ABHD12B: variants seen among roughly 807,000 people sequenced by gnomAD.
The protein encoded by ABHD12B is abhydrolase domain containing 12B, also known as protein ABHD12B.
In ABHD12B, 42 loss-of-function variants were observed where a neutral mutation model predicts 50.4. That is an observed-to-expected ratio of 0.83 (90% CI 0.65 to 1.08). The LOEUF (loss-of-function observed/expected upper bound fraction) is 1.08, where lower values mean the gene tolerates loss of function less well. Ranked by LOEUF, ABHD12B falls within the 50% of genes least tolerant of loss-of-function variation. The probability of loss-of-function intolerance (pLI) is 0.00; values close to 1 mark genes in which losing one functional copy is unlikely to be tolerated. For synonymous variants in ABHD12B, 167 were observed against 160.3 expected (o/e 1.04, Z -0.32); for missense variants, 479 against 447.7 (o/e 1.07, Z -0.63).
chr14:50,872,245 C>A lies in ABHD12B; in HGVS notation c.71C>A (p.Ala24Asp), dbSNP rs1036893896. 5 of 1,392,896 alleles carry A rather than the reference C, an allele frequency of 3.6e-6. No homozygotes were observed. The African/African-American group carries it at 4.5e-5, about 12-fold the overall frequency. 86.3% of individuals were successfully genotyped at this position (1,392,896 alleles called of 1,614,324 possible). The change falls in exon 1 of 13, where the codon GCC (alanine) becomes GAC (aspartate). Residue 24 changes from alanine to aspartate, a missense_variant. Coordinates refer to ENST00000337334, the MANE Select transcript of ABHD12B (RefSeq NM_001206673.2). ...GGGCCCCCAGCCCGTAGCTGCGTGG[C>A]CGCCTGGTGGGACATGGTCGACCGC... is the stretch of plus-strand genomic sequence containing the variant. ...PPGPPARSCV[A>D]AWWDMVDRNL...
intron 9 of ABHD12B, among the ~76,000 whole-genome samples, chr14:50,895,992 T>C (rs565006087): frequency 3.7e-4 from 54 of 147,776 alleles, no homozygotes; most frequent in South Asian, 3.2e-3. Flanking sequence ...ACTACAGCTA[T>C]ATCTCATTGC....
At chr14:50,900,922 A>T (rs1045627437) in intron 9 of ABHD12B, among the ~76,000 whole-genome samples, 3 of 152,196 alleles carry the variant, frequency 2.0e-5, no homozygotes, top group Admixed American at 6.5e-5. Flanking sequence ...TCTGATTTGC[A>T]CGTTAAAATA....
intron 9 of ABHD12B, among the ~76,000 whole-genome samples, chr14:50,890,662 A>G (rs1596014536): frequency 6.6e-6 from 1 of 152,196 alleles, no homozygotes; most frequent in Non-Finnish European, 1.5e-5. Flanking sequence ...TTTCATTGCC[A>G]TATACTATTC....
chr14:50,881,518 G>C, intron 4 of ABHD12B, 78 bp from the exon 5 acceptor site: 1 of 1,514,608 alleles, frequency 6.6e-7, no homozygotes, highest in African/African-American at 1.4e-5. Flanking sequence ...CCAGCAGCAC[G>C]AGAGTGATTT....
At chr14:50,891,911 G>A (rs1363392696) in intron 9 of ABHD12B, 1 of 152,164 alleles carries the variant, frequency 6.6e-6, no homozygotes, top group Admixed American at 6.6e-5. Context: ...ATATACTATG[G>A]TCTTTTAATT....
chr14:50,903,295 C>G (rs2050285088), intron 10 of ABHD12B, 94 bp from the exon 11 acceptor site: 1 of 882,700 alleles, frequency 1.1e-6, no homozygotes, highest in South Asian at 1.6e-5. Flanking sequence ...GTAATTTAGA[C>G]AGGCCTCATG....
chr14:50,904,415 C>A lies in ABHD12B; in HGVS notation c.*49C>A. ...AATGAAGACTTGGCCCAAACACCACCTGTGATGTATATTGTTCTAATGTAA... is the reference window on the plus strand; with the variant it reads ...AATGAAGACTTGGCCCAAACACCACATGTGATGTATATTGTTCTAATGTAA... On this transcript the variant is annotated 3_prime_UTR_variant, in exon 13 of 13. Coordinates refer to ENST00000337334, the MANE Select transcript of ABHD12B (RefSeq NM_001206673.2). The A allele has an allele frequency of 6.2e-7, 1 of 1,609,100 alleles. No homozygotes were observed. Among genetic ancestry groups the A allele is most frequent in the South Asian group, 1.1e-5 (1 of 91,014 alleles).
intron 9 of ABHD12B, chr14:50,895,468 G>A (rs2142762053): frequency 6.6e-6 from 1 of 152,230 alleles, no homozygotes. Flanking sequence ...TCTGGCCACT[G>A]GGCCAAGGAA....
chr14:50,875,363 A>G (rs967818936), intron 1 of ABHD12B, among the ~76,000 whole-genome samples: 1 of 152,210 alleles, frequency 6.6e-6, no homozygotes, highest in African/African-American at 2.4e-5. Context: ...CTGTCTTAAT[A>G]TTTGAAATAG....
intron 10 of ABHD12B, among the ~76,000 whole-genome samples, chr14:50,902,347 G>A (rs950147063): frequency 2.0e-5 from 3 of 152,120 alleles, no homozygotes; most frequent in African/African-American, 7.2e-5. Flanking sequence ...AGCCAGGCGT[G>A]GGGGCACGTG....
At chr14:50,884,452 A>C (rs2050005382) in intron 5 of ABHD12B, among the ~76,000 whole-genome samples, 1 of 152,210 alleles carries the variant, frequency 6.6e-6, no homozygotes, top group African/African-American at 2.4e-5. Context: ...CCGGATATAA[A>C]ATGCAGTGGG....
intron 1 of ABHD12B, among the ~76,000 whole-genome samples, chr14:50,876,544 T>C (rs1175121788): frequency 6.6e-6 from 1 of 152,130 alleles, no homozygotes; most frequent in Non-Finnish European, 1.5e-5. Context: ...AACAAGATTG[T>C]CTATGAGCAG....
At chr14:50,899,339 G>T (rs2050236306) in intron 9 of ABHD12B, among the ~76,000 whole-genome samples, 2 of 152,214 alleles carry the variant, frequency 1.3e-5, no homozygotes, top group Admixed American at 1.3e-4. Context: ...TCCCTAAAAT[G>T]ACATCAATTA....
In ABHD12B at chr14:50,903,375, C is replaced by A; in HGVS notation, c.864-14C>A. On this transcript the variant is annotated splice_polypyrimidine_tract_variant and intron_variant, in intron 10 of 12. Coordinates refer to ENST00000337334, the MANE Select transcript of ABHD12B (RefSeq NM_001206673.2). ...CATTCTTTAACTGAATGCTTTTCTT[C>A]TACTTGTCCCTAGTGTTAAATTCCT... 6.3e-7 allele frequency: 1 copy of A among 1,595,412 alleles called. No homozygotes were observed. Among genetic ancestry groups the A allele is most frequent in the Non-Finnish European group, 8.6e-7 (1 of 1,164,762 alleles).
chr14:50,872,707 T>C (rs2142709984), intron 1 of ABHD12B, among the ~76,000 whole-genome samples: 1 of 152,340 alleles, frequency 6.6e-6, no homozygotes, highest in South Asian at 2.1e-4. Context: ...CAAGGGCCTA[T>C]CTGTGTAGGT....
chr14:50,901,973 T>C (rs2050265243), intron 10 of ABHD12B, 62 bp downstream of exon 10: 2 of 1,100,676 alleles, frequency 1.8e-6, no homozygotes, highest in Non-Finnish European at 2.6e-6. Flanking sequence ...GGGGCAACTA[T>C]CATGTGACTT....
Position 50,890,856 on chromosome 14 carries a change from C to T in ABHD12B, c.780+1953C>T, listed in dbSNP as rs2050107809. ...GTAGAATTGTGGGGTAATAAGGTATCCATATGGCCAGCTTTAATCATTACA... is the reference window on the plus strand; with the variant it reads ...GTAGAATTGTGGGGTAATAAGGTATTCATATGGCCAGCTTTAATCATTACA... On this transcript the variant is annotated intron_variant, in intron 9 of 12. Coordinates refer to ENST00000337334, the MANE Select transcript of ABHD12B (RefSeq NM_001206673.2). 2.0e-5 allele frequency among the ~76,000 whole-genome samples: 3 copies of T among 152,128 alleles called. 1 individual carries two copies. The South Asian group carries it at 6.2e-4, about 32-fold the overall frequency.
At chr14:50,903,362 G>A (rs2050286325) in intron 10 of ABHD12B, 27 bp from the exon 11 acceptor site, 1 of 1,556,240 alleles carries the variant, frequency 6.4e-7, no homozygotes, top group Non-Finnish European at 8.9e-7. Context: ...TTCTTTAACT[G>A]AATGCTTTTC....
At chr14:50,877,111 T>C (rs2049874122) in intron 1 of ABHD12B, among the ~76,000 whole-genome samples, 1 of 152,176 alleles carries the variant, frequency 6.6e-6, no homozygotes, top group Admixed American at 6.5e-5. Context: ...AAGATGTGCA[T>C]GCGCCCATCC....
Sources: allele counts gnomAD v4.1 joint callset (sites outside exome capture counted in the v4.1 genomes callset), GRCh38; gene constraint gnomAD v4.1.1; transcripts MANE v1.5; gene names NCBI Gene and HGNC (gene_info 2026-07-23, HGNC 2026-07-21).